The following ABRAXAS2 variants were observed in gnomAD, a reference collection of about 807,000 sequenced individuals.
ABRAXAS2 encodes abraxas 2, BRISC complex subunit, also known as BRISC complex subunit Abraxas 2.
Under a neutral mutation model 49.0 loss-of-function variants are expected in ABRAXAS2, and 23 were observed. The ratio of observed to expected loss-of-function variants is 0.47; its 90% confidence interval spans 0.34 to 0.66. ABRAXAS2 has a LOEUF of 0.66. ABRAXAS2 is among the 30% of genes least tolerant of loss of function. ABRAXAS2 has a pLI of 0.01. For missense variants in ABRAXAS2, 443 were observed against 511.9 expected (o/e 0.87, Z 1.30); for synonymous variants, 168 against 180.2 (o/e 0.93, Z 0.54).
rs1457571703 is a variant in ABRAXAS2 at position 124,834,674 on chromosome 10, A to G, written c.951A>G (p.Glu317=). The G allele has an allele frequency of 8.1e-6, 13 of 1,614,146 alleles. No individual in the cohort carries two copies. Among genetic ancestry groups the G allele is most frequent in the Non-Finnish European group, 1.1e-5 (13 of 1,180,022 alleles). Residue 317 remains glutamate (E), a synonymous_variant, in exon 9 of 9, where the codon GAA becomes GAG. Coordinates refer to ENST00000298492, the MANE Select transcript of ABRAXAS2 (RefSeq NM_032182.4). Reference sequence around the variant, plus strand: ...CTGATTTTCACCCAAACAATCAAGAAAGTACTTTGAGCCACTCTCGCATGG... The same window carrying G: ...CTGATTTTCACCCAAACAATCAAGAGAGTACTTTGAGCCACTCTCGCATGG... ...PYSDFHPNNQ[E]STLSHSRMER...
intron 3 of ABRAXAS2, among the ~76,000 whole-genome samples, chr10:124,817,836 A>G (rs1950835124): frequency 6.6e-6 from 1 of 152,172 alleles, no homozygotes; most frequent in Admixed American, 6.6e-5. Flanking sequence ...AGTTGCTGAG[A>G]ACCTCGCCTC....
chr10:124,811,983 G>T (rs774375254), intron 2 of ABRAXAS2, among the ~76,000 whole-genome samples: 64 of 152,196 alleles, frequency 4.2e-4, no homozygotes, highest in Non-Finnish European at 7.1e-4. Context: ...CTCCATGTTG[G>T]TTAGGCTGGT....
chr10:124,808,904 G>A (rs1202890600), intron 2 of ABRAXAS2, among the ~76,000 whole-genome samples: 1 of 152,162 alleles, frequency 6.6e-6, no homozygotes, highest in Non-Finnish European at 1.5e-5. Context: ...GCCAAGTTGG[G>A]CGGATCGCCC....
chr10:124,823,415 C>G (rs1344567614), intron 4 of ABRAXAS2, among the ~76,000 whole-genome samples: 2 of 151,990 alleles, frequency 1.3e-5, no homozygotes, highest in Non-Finnish European at 2.9e-5. Flanking sequence ...AATTACTGTT[C>G]TGGCAGAATC....
At chr10:124,824,887 C>T (rs1950887449) in intron 4 of ABRAXAS2, among the ~76,000 whole-genome samples, 1 of 151,944 alleles carries the variant, frequency 6.6e-6, no homozygotes, top group African/African-American at 2.4e-5. Flanking sequence ...CTACTTTTAC[C>T]TTTTTTATGG....
chr10:124,811,546 G>A (rs1198086587), intron 2 of ABRAXAS2, among the ~76,000 whole-genome samples: 1 of 151,942 alleles, frequency 6.6e-6, no homozygotes, highest in Non-Finnish European at 1.5e-5. Context: ...GACCATCCTA[G>A]CTAACACGGT....
chr10:124,819,942 A>G (rs542289765), intron 4 of ABRAXAS2, among the ~76,000 whole-genome samples: 41 of 152,348 alleles, frequency 2.7e-4, no homozygotes, highest in African/African-American at 9.1e-4. Flanking sequence ...TTGTTGCAGT[A>G]GTGTCTAATA....
At chr10:124,811,431 T>A (rs1950787054) in intron 2 of ABRAXAS2, among the ~76,000 whole-genome samples, 2 of 151,908 alleles carry the variant, frequency 1.3e-5, no homozygotes, top group South Asian at 4.1e-4. Context: ...TGGCTGTTTA[T>A]TTTTAAAGAA....
At chr10:124,806,447 C>G (rs1375609067) in intron 1 of ABRAXAS2, among the ~76,000 whole-genome samples, 1 of 152,124 alleles carries the variant, frequency 6.6e-6, no homozygotes, top group Non-Finnish European at 1.5e-5. Flanking sequence ...ATCTTTTCAT[C>G]ATCAGCGATG....
intron 4 of ABRAXAS2, 64 bp downstream of exon 4, chr10:124,819,514 C>A: frequency 7.2e-7 from 1 of 1,394,928 alleles, no homozygotes; most frequent in Non-Finnish European, 1.0e-6. Context: ...AAGATAAAAC[C>A]AGACAGGAAT....
At chr10:124,818,402 A>C (rs879696665) in intron 3 of ABRAXAS2, among the ~76,000 whole-genome samples, 50 of 151,310 alleles carry the variant, frequency 3.3e-4, no homozygotes, top group Admixed American at 6.6e-4. Context: ...TCTCAACAAA[A>C]AAAAAAAAAA....
At chr10:124,825,317 C>CAAAAA (rs34358193) in intron 4 of ABRAXAS2, among the ~76,000 whole-genome samples, 1 of 103,962 alleles carries the variant, frequency 9.6e-6, no homozygotes, top group Non-Finnish European at 1.8e-5. Flanking sequence ...GACTCTGTCT[C>CAAAAA]AAAAAAAAAA....
chr10:124,817,099 C>G (rs1032918965), intron 3 of ABRAXAS2, among the ~76,000 whole-genome samples: 1 of 152,074 alleles, frequency 6.6e-6, no homozygotes, highest in African/African-American at 2.4e-5. Context: ...ATGTACATAC[C>G]TATCATGAAG....
chr10:124,834,000 G>A (rs1305613625), intron 8 of ABRAXAS2, among the ~76,000 whole-genome samples: 1 of 152,166 alleles, frequency 6.6e-6, no homozygotes, highest in East Asian at 1.9e-4. Context: ...GGTATATTAT[G>A]ACAGGTAGCT....
At chr10:124,833,232 C>T (rs772775180) in intron 8 of ABRAXAS2, among the ~76,000 whole-genome samples, 3 of 150,948 alleles carry the variant, frequency 2.0e-5, no homozygotes, top group Non-Finnish European at 4.4e-5. Flanking sequence ...TTTGGGAGGC[C>T]GAGGCAGGTG....
At chr10:124,819,487 C>T (rs370584292) in intron 4 of ABRAXAS2, 37 bp downstream of exon 4, 17 of 1,552,158 alleles carry the variant, frequency 1.1e-5, no homozygotes, top group Admixed American at 3.3e-5. Context: ...ATTCTGAAAT[C>T]GTTCCTTATC....
chr10:124,816,765 G>A (rs1373470442), intron 3 of ABRAXAS2, among the ~76,000 whole-genome samples, 153 bp downstream of exon 3: 1 of 152,138 alleles, frequency 6.6e-6, no homozygotes, highest in African/African-American at 2.4e-5. Context: ...CACTGTGTTA[G>A]GTTAGGAAAA....
Position 124,834,487 on chromosome 10 carries a change from T to A in ABRAXAS2, c.779-15T>A. 6.2e-7 allele frequency: 1 copy of A among 1,600,192 alleles called. No homozygotes were observed. Among genetic ancestry groups the A allele is most frequent in the Non-Finnish European group, 8.5e-7 (1 of 1,171,446 alleles). On this transcript the variant is annotated splice_polypyrimidine_tract_variant and intron_variant, in intron 8 of 8. Transcript: ENST00000298492. ...GAATCTAGAAAGTGTTAGAATATTC[T>A]TTGTTTTCATCCAGGATTGCAGCAG...
At chr10:124,812,322 T>G (rs767617901) in intron 2 of ABRAXAS2, among the ~76,000 whole-genome samples, 1 of 152,158 alleles carries the variant, frequency 6.6e-6, no homozygotes, top group African/African-American at 2.4e-5. Context: ...AGTATTATCT[T>G]AAATGTGTTG....
Sources: allele counts gnomAD v4.1 joint callset (sites outside exome capture counted in the v4.1 genomes callset), GRCh38; gene constraint gnomAD v4.1.1; transcripts MANE v1.5; gene names NCBI Gene and HGNC (gene_info 2026-07-23, HGNC 2026-07-21).